Variants in EML1 observed in about 807,000 individuals in gnomAD.
The protein encoded by EML1 is echinoderm microtubule-associated protein-like 1.
EML1 carries 27 observed loss-of-function variants against 110.4 expected under a neutral mutation model. The observed-to-expected ratio is 0.24, with a 90% CI of 0.18 to 0.34. The LOEUF is 0.34. EML1 is among the 10% of genes least tolerant of loss of function. The pLI, the probability that EML1 is intolerant of heterozygous loss-of-function variation, is 1.00. For synonymous variants in EML1, 344 were observed against 385.8 expected, an observed-to-expected ratio of 0.89 and a Z score of 1.27; for missense variants, 741 against 1,030.9, an observed-to-expected ratio of 0.72 and a Z score of 3.85.
intron 10 of EML1, among the ~76,000 whole-genome samples, chr14:99,907,976 C>T (rs921178001): frequency 6.6e-6 from 1 of 152,238 alleles, no homozygotes. Flanking sequence ...TTCATAGCCA[C>T]TACCCTTTTA....
At chr14:99,896,740 A>ATTTTT (rs59854121) in intron 6 of EML1, among the ~76,000 whole-genome samples, 3 of 147,492 alleles carry the variant, frequency 2.0e-5, no homozygotes, top group African/African-American at 7.4e-5. Context: ...GAGGGGCCTG[A>ATTTTT]TTTTTTTTTT....
chr14:99,873,310 A>G (rs1013726793), intron 3 of EML1, among the ~76,000 whole-genome samples: 4 of 152,240 alleles, frequency 2.6e-5, no homozygotes, highest in Admixed American at 2.6e-4. Context: ...CTTGCTTCCA[A>G]ACAAACAGCC....
chr14:99,787,398 C>T (rs2057613197), intron 1 of EML1, among the ~76,000 whole-genome samples: 1 of 151,442 alleles, frequency 6.6e-6, no homozygotes, highest in African/African-American at 2.4e-5. Context: ...CCTGCCTCAG[C>T]CTCCCTAGTA....
chr14:99,894,776 A>G lies in EML1; in HGVS notation c.677+18A>G, dbSNP rs773198914. ...GAATGGGTGTATCCTTTATTCATTG[A>G]TTAGGTCTCACATGAAGTTATCAGT... On this transcript the variant is annotated intron_variant, in intron 6 of 21. Coordinates refer to ENST00000262233, the MANE Select transcript of EML1 (RefSeq NM_004434.3). The G allele has an allele frequency of 1.9e-6, 3 of 1,602,772 alleles. No homozygotes were observed. The South Asian group carries it at 3.4e-5, about 18-fold the overall frequency.
rs567413779 is a variant in EML1, at chr14:99,872,759, T to G, written c.384-5726T>G. Among the ~76,000 whole-genome samples, 89 of 152,364 alleles carry G rather than the reference T, an allele frequency of 5.8e-4. 1 individual carries two copies. Among genetic ancestry groups the G allele is most frequent in the African/African-American group, 2.1e-3 (87 of 41,584 alleles). On this transcript the variant is annotated intron_variant, in intron 3 of 21. Coordinates refer to ENST00000262233, the MANE Select transcript of EML1 (RefSeq NM_004434.3). ...AAACAGAAAGAAGCAGGCTGGGCAT[T>G]CTGAATATTAGGATTAAAATAACTT...
intron 1 of EML1, among the ~76,000 whole-genome samples, chr14:99,834,001 A>T (rs1301701743): frequency 6.6e-6 from 1 of 152,148 alleles, no homozygotes; most frequent in Non-Finnish European, 1.5e-5. Context: ...CACTGACTAA[A>T]ACCTCCAAGA....
At chr14:99,909,783 A>G (rs919130041) in intron 11 of EML1, among the ~76,000 whole-genome samples, 1 of 152,172 alleles carries the variant, frequency 6.6e-6, no homozygotes, top group African/African-American at 2.4e-5. Context: ...TGCAAAAGAC[A>G]TTAGAGACTC....
At chr14:99,844,481 A>C (rs1201764980) in intron 1 of EML1, among the ~76,000 whole-genome samples, 1 of 72,562 alleles carries the variant, frequency 1.4e-5, no homozygotes, top group Non-Finnish European at 3.9e-5. Context: ...TTTGTCAAAA[A>C]AAAAAAAAAA....
At chr14:99,816,187 G>T (rs1046570405) in intron 1 of EML1, among the ~76,000 whole-genome samples, 1 of 151,824 alleles carries the variant, frequency 6.6e-6, no homozygotes, top group East Asian at 1.9e-4. Context: ...TTTTTTAGAC[G>T]GAGTCTCACT....
At position 99,739,104 on chromosome 14, in the gene EML1, C is replaced by G. The variant is rs10676652; in HGVS notation, c.28+1244C>G. On this transcript the variant is annotated intron_variant, in intron 1 of 10. Transcript: ENST00000554479. ...TGTGTGTGTGTGTGAGAGAGAGAGA[C>G]AGAGAGAGAGAGAGAGTGTGTGTGT... Among the ~76,000 whole-genome samples, 332 of 52,818 alleles carry G rather than the reference C, an allele frequency of 6.3e-3. 2 individuals are homozygous for G. The highest frequency in any genetic ancestry group is 0.015 in the African/African-American group (232 of 15,936). 34.7% of individuals were successfully genotyped at this position (52,818 alleles called of 152,430 possible).
rs1255049991 is a variant in EML1 at position 99,793,437 on chromosome 14, C to T, written c.-40C>T. On this transcript the variant is annotated 5_prime_UTR_variant, in exon 1 of 22. Coordinates refer to ENST00000262233, the MANE Select transcript of EML1 (RefSeq NM_004434.3). The stretch of plus-strand genomic sequence containing the variant: ...CAGTGTGTGGTGAGCGGCGGCGGCG[C>T]GGCCGGGCCGGGGAGCGGGCGCGGC... The T allele has an allele frequency of 1.9e-6, 2 of 1,030,848 alleles. No homozygotes were observed. The allele number at this position is 1,030,848 out of a possible 1,614,324, so 63.9% of individuals were successfully genotyped here.
chr14:99,897,091 G>A (rs2140005862), intron 6 of EML1, 54 bp from the exon 7 acceptor site: 1 of 1,441,806 alleles, frequency 6.9e-7, no homozygotes, highest in Non-Finnish European at 9.2e-7. Context: ...GAATAAAGCT[G>A]ATGTTTTGTC....
chr14:99,930,015 C>T (rs987525551), intron 17 of EML1, among the ~76,000 whole-genome samples: 4 of 152,128 alleles, frequency 2.6e-5, no homozygotes, highest in Admixed American at 2.6e-4. Flanking sequence ...GACCAACGAG[C>T]CCCCAGCCAG....
intron 1 of EML1, among the ~76,000 whole-genome samples, chr14:99,779,466 T>C (rs1417795991): frequency 6.6e-6 from 1 of 152,240 alleles, no homozygotes; most frequent in African/African-American, 2.4e-5. Context: ...TACCTTTTTT[T>C]GTTACTTTTA....
chr14:99,747,820 C>T (rs768968158), intron 1 of EML1, among the ~76,000 whole-genome samples: 1 of 152,142 alleles, frequency 6.6e-6, no homozygotes, highest in Non-Finnish European at 1.5e-5. Context: ...CCAGGGGTCC[C>T]GCTGCAGGGT....
intron 1 of EML1, among the ~76,000 whole-genome samples, chr14:99,843,359 A>G (rs1295710849): frequency 6.6e-6 from 1 of 152,262 alleles, no homozygotes; most frequent in African/African-American, 2.4e-5. Context: ...GCTAATTTGC[A>G]TAACCGTTGA....
chr14:99,836,714 C>T (rs1008956780), intron 1 of EML1, among the ~76,000 whole-genome samples: 13 of 152,108 alleles, frequency 8.5e-5, no homozygotes, highest in African/African-American at 2.4e-4. Context: ...GGAGGTCAGA[C>T]GTTGTGAATT....
intron 1 of EML1, among the ~76,000 whole-genome samples, chr14:99,739,861 C>T (rs1055502571): frequency 7.2e-5 from 11 of 152,074 alleles, no homozygotes; most frequent in African/African-American, 1.7e-4. Flanking sequence ...TTTCAGTAAC[C>T]GATCCCCAAG....
At chr14:99,844,849 ATCAG>A (rs1363735364) in intron 1 of EML1, among the ~76,000 whole-genome samples, 4 of 152,188 alleles carry the variant, frequency 2.6e-5, no homozygotes, top group Non-Finnish European at 2.9e-5. Context: ...TGTTTTGTGT[ATCAG>A]TCATTCATCC....
Sources: allele counts gnomAD v4.1 joint callset (sites outside exome capture counted in the v4.1 genomes callset), GRCh38; gene constraint gnomAD v4.1.1; transcripts MANE v1.5; gene names NCBI Gene and HGNC (gene_info 2026-07-23, HGNC 2026-07-21).